The following CACNA1E variants were observed in gnomAD, a reference collection of about 807,000 sequenced individuals.
The protein encoded by CACNA1E is calcium voltage-gated channel subunit alpha1 E.
A neutral mutation model predicts 259.2 loss-of-function variants in CACNA1E; 40 were observed. That is an observed-to-expected ratio of 0.15 (90% CI 0.12 to 0.20). The LOEUF (loss-of-function observed/expected upper bound fraction) is 0.20. Among genes scored for constraint, CACNA1E ranks in the 10% least tolerant of loss-of-function variants. The pLI, the probability that CACNA1E is intolerant of heterozygous loss-of-function variation, is 1.00. For synonymous variants in CACNA1E, 1,104 were observed against 1,138.5 expected (o/e 0.97, Z 0.61); for missense variants, 1,874 against 3,040.1 (o/e 0.62, Z 9.02).
chr1:181,528,241 G>A (rs540704276), intron 3 of CACNA1E, among the ~76,000 whole-genome samples: 3 of 152,202 alleles, frequency 2.0e-5, no homozygotes, highest in Admixed American at 6.5e-5. Flanking sequence ...GGTTTATCAG[G>A]GGTTTCCACT....
At chr1:181,388,988 G>A (rs605782) in intron 1 of CACNA1E, among the ~76,000 whole-genome samples, 11,199 of 152,118 alleles carry the variant, frequency 0.074, 765 homozygotes, top group African/African-American at 0.18. Context: ...GACTGTATAG[G>A]GTTAGGTTTC....
chr1:181,355,840 G>T (rs1653390157), intron 1 of CACNA1E, among the ~76,000 whole-genome samples: 1 of 152,174 alleles, frequency 6.6e-6, no homozygotes, highest in African/African-American at 2.4e-5. Flanking sequence ...GAGAGTGGAG[G>T]CATTAGACAG....
intron 6 of CACNA1E, among the ~76,000 whole-genome samples, chr1:181,627,688 G>T (rs910945785): frequency 6.6e-6 from 1 of 152,172 alleles, no homozygotes; most frequent in African/African-American, 2.4e-5. Flanking sequence ...TTCTTCCCAG[G>T]TGTTCTTAAT....
intron 37 of CACNA1E, among the ~76,000 whole-genome samples, chr1:181,773,097 A>C (rs1282631306): frequency 6.6e-6 from 1 of 152,258 alleles, no homozygotes; most frequent in African/African-American, 2.4e-5. Context: ...ATGCCACTGA[A>C]AAGTGGTCAA....
intron 25 of CACNA1E, 84 bp from the exon 26 acceptor site, chr1:181,750,392 G>A: frequency 1.7e-6 from 2 of 1,199,664 alleles, no homozygotes; most frequent in South Asian, 1.3e-5. Flanking sequence ...TGTTCTGACT[G>A]TCTTTCTTCT....
intron 3 of CACNA1E, among the ~76,000 whole-genome samples, chr1:181,552,151 T>C (rs1306455601): frequency 6.6e-6 from 1 of 152,236 alleles, no homozygotes; most frequent in East Asian, 1.9e-4. Context: ...AGTACTCGAC[T>C]GGTCTGACCA....
Position 181,793,717 on chromosome 1 carries a change from A to T in CACNA1E, c.5951A>T (p.Tyr1984Phe). 1 of 1,611,532 alleles carries T rather than the reference A, an allele frequency of 6.2e-7. No homozygotes were observed. Among genetic ancestry groups the T allele is most frequent in the Non-Finnish European group, 8.5e-7 (1 of 1,179,348 alleles). The change falls in exon 45 of 48, where the codon TAC becomes TTC. Residue 1984 changes from tyrosine (Y) to phenylalanine (F), a missense_variant. Physicochemically the swap from Tyr to Phe is conservative, Grantham distance 22. Around this residue, in one of 14 missense-constraint regions of CACNA1E, gnomAD observed 542 missense variants for 587.2 expected, o/e 0.92. Coordinates refer to ENST00000367573, the MANE Select transcript of CACNA1E (RefSeq NM_001205293.3). ...KSVQPSNHGI[Y>F]LPSDTQEHAG... ...GTGCAGCCCTCTAACCATGGCATCT[A>T]CCTTCCTTCGGACACCCAGGAGCAT... is the stretch of plus-strand genomic sequence containing the variant.
In CACNA1E at chr1:181,389,907, T is replaced by G. The variant is rs200357444; in HGVS notation, c.-14-23226T>G. On this transcript the variant is annotated intron_variant, in intron 1 of 11. Coordinates refer to the CACNA1E transcript ENST00000524607. ...GTGAAGACACAGAGATTTAGGTTAA[T>G]TCAGAAAATCAATGAAGAGGCAGTG... Among the ~76,000 whole-genome samples the G allele has an allele frequency of 7.9e-5, 12 of 152,344 alleles. No homozygotes were observed. In the East Asian group the frequency reaches 2.3e-3, roughly 29 times the overall value.
intron 8 of CACNA1E, among the ~76,000 whole-genome samples, chr1:181,714,712 A>G (rs531371790): frequency 8.2e-4 from 125 of 152,328 alleles, no homozygotes; most frequent in African/African-American, 2.9e-3. Flanking sequence ...TTTAAATTTT[A>G]TCTTAGGGAC....
At chr1:181,646,935 G>A (rs1039376664) in intron 6 of CACNA1E, among the ~76,000 whole-genome samples, 3 of 152,258 alleles carry the variant, frequency 2.0e-5, no homozygotes, top group African/African-American at 4.8e-5. Flanking sequence ...CAGGTGGGCT[G>A]CCGCCCCCGA....
chr1:181,740,602 A>T (rs1454554249), intron 25 of CACNA1E, among the ~76,000 whole-genome samples: 1 of 152,152 alleles, frequency 6.6e-6, no homozygotes, highest in African/African-American at 2.4e-5. Context: ...AGGATCTCCC[A>T]GACCCTGGAA....
intron 7 of CACNA1E, among the ~76,000 whole-genome samples, chr1:181,695,932 G>A (rs186398994): frequency 4.1e-4 from 62 of 152,312 alleles, no homozygotes; most frequent in Middle Eastern, 3.4e-3. Context: ...TCCAGCTTGG[G>A]CATCAGAGCT....
rs559317753 is a variant in CACNA1E, at chr1:181,658,761, T to C, written c.1055+7320T>C. Among the ~76,000 whole-genome samples, 4 of 152,304 alleles carry C rather than the reference T, an allele frequency of 2.6e-5. No homozygotes were observed. The East Asian group carries it at 7.7e-4, about 29-fold the overall frequency. The stretch of plus-strand genomic sequence containing the variant: ...GACAGTGGCAGCTGGGAACAGCTGA[T>C]ATGAATAAATTTTGACATTTTAAGG... On this transcript the variant is annotated intron_variant, in intron 7 of 47. Transcript: ENST00000367573.
chr1:181,785,457 G>A, intron 42 of CACNA1E, 39 bp downstream of exon 42: 4 of 1,405,096 alleles, frequency 2.8e-6, no homozygotes, highest in Non-Finnish European at 4.0e-6. Flanking sequence ...GGTGGGCCAT[G>A]AGGAGTTGCA....
At chr1:181,399,768 G>A (rs1175690789) in intron 1 of CACNA1E, among the ~76,000 whole-genome samples, 5 of 152,204 alleles carry the variant, frequency 3.3e-5, no homozygotes, top group African/African-American at 1.2e-4. Context: ...CCCAAAGTGT[G>A]ACTTGTTAGA....
chr1:181,323,814 C>A (rs192313353), intron 1 of CACNA1E, among the ~76,000 whole-genome samples: 1 of 152,216 alleles, frequency 6.6e-6, no homozygotes, highest in Non-Finnish European at 1.5e-5. Context: ...AACACACATC[C>A]AACTTCCGCC....
chr1:181,754,454 T>C (rs1330321092), intron 27 of CACNA1E, among the ~76,000 whole-genome samples: 3 of 152,098 alleles, frequency 2.0e-5, no homozygotes, highest in African/African-American at 7.2e-5. Flanking sequence ...ACCTAGAAAA[T>C]AACCTGAAAA....
At chr1:181,589,239 G>A (rs761959290) in intron 6 of CACNA1E, among the ~76,000 whole-genome samples, 12 of 152,172 alleles carry the variant, frequency 7.9e-5, no homozygotes, top group Admixed American at 2.0e-4. Context: ...GTAATTGCCA[G>A]GCAGTAAGAG....
At chr1:181,689,465 A>G (rs570813480) in intron 7 of CACNA1E, among the ~76,000 whole-genome samples, 34 of 152,158 alleles carry the variant, frequency 2.2e-4, no homozygotes, top group Non-Finnish European at 4.3e-4. Flanking sequence ...TTTATAGTAG[A>G]ATGATTTATA....
Sources: gnomAD v4.1 joint callset for allele counts (sites outside exome capture counted in the v4.1 genomes callset) on GRCh38, gnomAD v4.1.1 for gene constraint, gnomAD v4.1.1 regional missense constraint, MANE v1.5 for transcripts, NCBI Gene and HGNC (gene_info 2026-07-23, HGNC 2026-07-21) for gene names.